PTPRM: variants seen among roughly 807,000 people sequenced by gnomAD.
PTPRM encodes the protein receptor-type tyrosine-protein phosphatase mu.
PTPRM carries 47 observed loss-of-function variants against 186.7 expected under a neutral mutation model. The ratio of observed to expected loss-of-function variants is 0.25; its 90% confidence interval spans 0.20 to 0.32. The LOEUF (loss-of-function observed/expected upper bound fraction) is 0.32. Among genes scored for constraint, PTPRM ranks in the 10% least tolerant of loss-of-function variants. PTPRM has a pLI of 1.00. For missense variants in PTPRM, 1,494 were observed against 1,865.0 expected, an observed-to-expected ratio of 0.80 and a Z score of 3.66; for synonymous variants, 668 against 674.9, an observed-to-expected ratio of 0.99 and a Z score of 0.16.
intron 25 of PTPRM, 106 bp from the exon 26 acceptor site, chr18:8,376,356 G>T: frequency 1.3e-6 from 2 of 1,568,190 alleles, no homozygotes; most frequent in Non-Finnish European, 1.7e-6. Flanking sequence ...CCTTTTAAGA[G>T]GTTTAATTTT....
intron 1 of PTPRM, among the ~76,000 whole-genome samples, chr18:7,603,406 G>GTTA (rs2037454642): frequency 6.6e-6 from 1 of 152,234 alleles, no homozygotes; most frequent in Non-Finnish European, 1.5e-5. Flanking sequence ...TGATTTGGAT[G>GTTA]TTAAGCTAAC....
chr18:8,276,285 C>G (rs1048330293), intron 19 of PTPRM, among the ~76,000 whole-genome samples: 32 of 152,138 alleles, frequency 2.1e-4, no homozygotes, highest in African/African-American at 7.7e-4. Context: ...ATGAGTGTTA[C>G]AACTGGACTG....
At chr18:7,652,751 T>G (rs960136422) in intron 1 of PTPRM, among the ~76,000 whole-genome samples, 19 of 94,638 alleles carry the variant, frequency 2.0e-4, no homozygotes, top group African/African-American at 6.3e-4. Context: ...TGGGGACTGT[T>G]GTGGGGTGGG....
chr18:8,179,319 A>G (rs1297646859), intron 14 of PTPRM, among the ~76,000 whole-genome samples: 3 of 152,222 alleles, frequency 2.0e-5, no homozygotes, highest in Non-Finnish European at 4.4e-5. Flanking sequence ...GTAGGAATAT[A>G]CTTTACTCAA....
In PTPRM at chr18:7,791,112, A is replaced by G. The variant is rs185739231; in HGVS notation, c.196+16841A>G. On this transcript the variant is annotated intron_variant, in intron 2 of 32. Transcript: ENST00000580170. ...AAATAATGAATTACATTCATGTAAG[A>G]CATTTTTACTTACCTTTTATGCCAT... Among the ~76,000 whole-genome samples, 372 of 152,344 alleles carry G rather than the reference A, an allele frequency of 2.4e-3. 2 individuals carry two copies. Among genetic ancestry groups the G allele is most frequent in the African/African-American group, 8.0e-3 (332 of 41,576 alleles).
intron 3 of PTPRM, among the ~76,000 whole-genome samples, chr18:7,902,430 G>A (rs1055764643): frequency 6.6e-6 from 1 of 152,186 alleles, no homozygotes; most frequent in Non-Finnish European, 1.5e-5. Flanking sequence ...GGAAATCCAT[G>A]AGTTGATACT....
chr18:8,312,687 G>T (rs1389925779), intron 20 of PTPRM, among the ~76,000 whole-genome samples: 1 of 152,034 alleles, frequency 6.6e-6, no homozygotes, highest in Non-Finnish European at 1.5e-5. Context: ...ACACGTGAAG[G>T]ATTCTAACCC....
chr18:8,227,064 A>T (rs1464677586), intron 14 of PTPRM, among the ~76,000 whole-genome samples: 1 of 152,230 alleles, frequency 6.6e-6, no homozygotes, highest in Non-Finnish European at 1.5e-5. Flanking sequence ...AGCAACCTCA[A>T]TTCCAACCAC....
intron 13 of PTPRM, among the ~76,000 whole-genome samples, chr18:8,126,850 T>C (rs895823828): frequency 5.3e-5 from 8 of 152,004 alleles, no homozygotes; most frequent in Non-Finnish European, 1.2e-4. Context: ...TGATGAAGCA[T>C]GGTCAGATAT....
At chr18:8,227,981 A>G (rs1311367031) in intron 14 of PTPRM, among the ~76,000 whole-genome samples, 1 of 152,244 alleles carries the variant, frequency 6.6e-6, no homozygotes, top group Non-Finnish European at 1.5e-5. Flanking sequence ...AAATAAAACT[A>G]AACAAAATAT....
At chr18:8,338,279 A>T (rs1279312453) in intron 22 of PTPRM, among the ~76,000 whole-genome samples, 13 of 148,966 alleles carry the variant, frequency 8.7e-5, no homozygotes, top group Middle Eastern at 3.5e-3. Flanking sequence ...AGTATAATTT[A>T]AAAATATATA....
At chr18:7,637,421 C>T (rs542283566) in intron 1 of PTPRM, among the ~76,000 whole-genome samples, 2 of 152,242 alleles carry the variant, frequency 1.3e-5, no homozygotes, top group Admixed American at 6.5e-5. Flanking sequence ...TGTTGGACAG[C>T]GTCCACAGTA....
chr18:8,159,011 T>C (rs763101062), intron 14 of PTPRM, among the ~76,000 whole-genome samples: 3 of 152,170 alleles, frequency 2.0e-5, no homozygotes, highest in Non-Finnish European at 2.9e-5. Context: ...CTGCAAACCA[T>C]GTCAAGCAAG....
intron 7 of PTPRM, among the ~76,000 whole-genome samples, chr18:7,982,460 T>A (rs994468214): frequency 6.6e-6 from 1 of 151,906 alleles, no homozygotes; most frequent in Admixed American, 6.6e-5. Flanking sequence ...TCTCCCAGAA[T>A]AACAAGGCCT....
At chr18:7,671,715 A>T (rs1331877476) in intron 1 of PTPRM, among the ~76,000 whole-genome samples, 1 of 152,250 alleles carries the variant, frequency 6.6e-6, no homozygotes, top group African/African-American at 2.4e-5. Context: ...TAAATAAAGA[A>T]TTGGACATTG....
At chr18:8,270,251 C>T (rs1438729053) in intron 19 of PTPRM, 1 of 150,722 alleles carries the variant, frequency 6.6e-6, no homozygotes, top group East Asian at 1.9e-4. Flanking sequence ...AAAAAAAAAT[C>T]CTTAAGAATG....
chr18:7,803,018 A>G (rs943255383), intron 2 of PTPRM, among the ~76,000 whole-genome samples: 2 of 152,188 alleles, frequency 1.3e-5, no homozygotes, highest in African/African-American at 4.8e-5. Context: ...GTGGTCATAC[A>G]ATGCTTCAGA....
intron 1 of PTPRM, among the ~76,000 whole-genome samples, chr18:7,772,444 CCCTTCCTTCCTTCCTT>C (rs200187256): frequency 0.069 from 6,359 of 92,382 alleles, 397 homozygotes; most frequent in East Asian, 0.19. Flanking sequence ...CTTCCCCTTC[CCCTTCCTTCCTTCCTT>C]CCTTCCTTCC....
At chr18:7,622,431 C>T (rs1344606185) in intron 1 of PTPRM, among the ~76,000 whole-genome samples, 1 of 152,086 alleles carries the variant, frequency 6.6e-6, no homozygotes, top group East Asian at 1.9e-4. Flanking sequence ...GGGGTCTATA[C>T]TGGGTTTTCT....
Sources: allele counts gnomAD v4.1 joint callset (sites outside exome capture counted in the v4.1 genomes callset), GRCh38; gene constraint gnomAD v4.1.1; transcripts MANE v1.5; gene names NCBI Gene and HGNC (gene_info 2026-07-23, HGNC 2026-07-21).